Variants in RMDN3 observed in about 807,000 individuals in gnomAD.
The protein encoded by RMDN3 is regulator of microtubule dynamics protein 3.
In RMDN3, 41 loss-of-function variants were observed where a neutral mutation model predicts 61.8. That is an observed-to-expected ratio of 0.66 (90% CI 0.52 to 0.86). The LOEUF is 0.86. Ranked by LOEUF, RMDN3 falls within the 40% of genes least tolerant of loss-of-function variation. RMDN3 has a pLI of 0.00. For missense variants in RMDN3, 557 were observed against 585.3 expected (o/e 0.95, Z 0.50); for synonymous variants, 247 against 232.0 (o/e 1.06, Z -0.59).
chr15:40,750,774 C>T (rs1897786877), intron 4 of RMDN3, among the ~76,000 whole-genome samples: 2 of 152,354 alleles, frequency 1.3e-5, no homozygotes, highest in Middle Eastern at 3.4e-3. Flanking sequence ...ACCTGAATAA[C>T]TGGAGCTAGC....
intron 4 of RMDN3, among the ~76,000 whole-genome samples, chr15:40,747,205 C>G (rs1897608401): frequency 6.6e-6 from 1 of 152,204 alleles, no homozygotes; most frequent in Non-Finnish European, 1.5e-5. Flanking sequence ...CTCTCTGCCT[C>G]CAGCACTCCC....
In RMDN3 at chr15:40,754,758, C is replaced by T; in HGVS notation, c.26G>A (p.Gly9Asp). 1.2e-6 allele frequency: 2 copies of T among 1,609,924 alleles called. No homozygotes were observed. The highest frequency in any genetic ancestry group is 1.3e-5 in the African/African-American group (1 of 74,946). The change falls in exon 2 of 13, where the codon GGT (glycine) becomes GAT (aspartate). Residue 9 changes from glycine to aspartate, a missense_variant. Gly to Asp is a moderately conservative substitution (Grantham distance 94). Transcript: ENST00000338376. The part of the protein sequence containing the change: MSRLGALG[G>D]ARAGLGLLLG... The stretch of plus-strand genomic sequence containing the variant: ...CAACAGTCCCAGCCCGGCACGGGCA[C>T]CACCCAGGGCTCCCAGTCTAGACAT...
intron 5 of RMDN3, 164 bp from the exon 6 acceptor site, chr15:40,744,313 C>T (rs1348769266): frequency 1.6e-6 from 1 of 623,424 alleles, no homozygotes; most frequent in East Asian, 2.9e-5. Flanking sequence ...GTCATCCCTT[C>T]CCACGTGCAG....
At chr15:40,749,948 G>A (rs554135661) in intron 4 of RMDN3, among the ~76,000 whole-genome samples, 13 of 152,134 alleles carry the variant, frequency 8.5e-5, no homozygotes, top group Non-Finnish European at 1.5e-4. Flanking sequence ...TGGAGACCCC[G>A]GAGCACTCAT....
At chr15:40,738,183 T>G in intron 8 of RMDN3, 141 bp from the exon 9 acceptor site, 1 of 831,668 alleles carries the variant, frequency 1.2e-6, no homozygotes, top group East Asian at 2.5e-5. Flanking sequence ...GGTCAGGAGT[T>G]CGAAACCAGT....
chr15:40,742,079 G>T (rs1428467713), intron 6 of RMDN3, among the ~76,000 whole-genome samples: 1 of 151,920 alleles, frequency 6.6e-6, no homozygotes, highest in Non-Finnish European at 1.5e-5. Context: ...GAGTGCAGTG[G>T]TGCAATCTCA....
chr15:40,745,074 T>C lies in RMDN3; in HGVS notation c.710A>G (p.Asp237Gly), dbSNP rs1474663983. The C allele has an allele frequency of 6.2e-7, 1 of 1,613,870 alleles. No individual in the cohort carries two copies. The highest frequency in any genetic ancestry group is 2.2e-5 in the East Asian group (1 of 44,856). Residue 237 changes from aspartate to glycine, a missense_variant, in exon 5 of 13, where the codon GAT (aspartate) becomes GGT (glycine). Coordinates refer to ENST00000338376, the MANE Select transcript of RMDN3 (RefSeq NM_018145.3). Reference sequence around the variant, plus strand: ...GGCCTGCTGCAGGAGGGGCAGCACATCCTCCAAGCCTGAGGAACCTCCAGC... The same window carrying C: ...GGCCTGCTGCAGGAGGGGCAGCACACCCTCCAAGCCTGAGGAACCTCCAGC... Reference protein sequence around the residue: ...LEAGGSSGLEDVLPLLQQADE... With the variant: ...LEAGGSSGLEGVLPLLQQADE...
At chr15:40,754,496 A>G (rs1897956557) in intron 2 of RMDN3, 101 bp downstream of exon 2, 3 of 1,214,518 alleles carry the variant, frequency 2.5e-6, no homozygotes, top group Non-Finnish European at 3.4e-6. Context: ...ACCCTAAAGC[A>G]CTTCTCTCCG....
At chr15:40,747,432 T>A (rs1320287391) in intron 4 of RMDN3, among the ~76,000 whole-genome samples, 1 of 152,196 alleles carries the variant, frequency 6.6e-6, no homozygotes. Context: ...AGACTTTAAT[T>A]GCATCTCAGC....
At position 40,736,520 on chromosome 15, in the gene RMDN3, ATGAAGGCCAG is replaced by A. The variant is rs1381190048; in HGVS notation, c.*11_*20del. The A allele has an allele frequency of 1.2e-6, 2 of 1,612,482 alleles. No homozygotes were observed. Among genetic ancestry groups the A allele is most frequent in the South Asian group, 2.2e-5 (2 of 91,050 alleles). On this transcript the variant is annotated 3_prime_UTR_variant, in exon 13 of 13. Coordinates refer to ENST00000338376, the MANE Select transcript of RMDN3 (RefSeq NM_018145.3). ...CCACCTTAAATAGTGGCATCAAGTCATGAAGGCCAGTGAAACGTGGTTAGTCTCGTAAAAT... is the reference window on the plus strand; with the variant it reads ...CCACCTTAAATAGTGGCATCAAGTCATGAAACGTGGTTAGTCTCGTAAAAT...
chr15:40,741,908 C>T (rs575971574), intron 6 of RMDN3, among the ~76,000 whole-genome samples: 144 of 151,504 alleles, frequency 9.5e-4, no homozygotes, highest in Non-Finnish European at 1.6e-3. Context: ...ATTACAGGTG[C>T]GAACCACCGT....
chr15:40,752,367 GCC>G (rs1007128016), intron 2 of RMDN3, among the ~76,000 whole-genome samples, 189 bp from the exon 3 acceptor site: 1 of 152,080 alleles, frequency 6.6e-6, no homozygotes, highest in Admixed American at 6.6e-5. Flanking sequence ...CTAAACGAGA[GCC>G]CTCTGCTCCA....
Position 40,744,053 on chromosome 15 carries a change from G to C in RMDN3, c.904C>G (p.Leu302Val). The change falls in exon 6 of 13, where the codon CTA (leucine) becomes GTA (valine). Residue 302 changes from leucine (L) to valine (V), a missense_variant. Physicochemically the swap from Leu to Val is conservative, Grantham distance 32 (BLOSUM62 1). Coordinates refer to ENST00000338376, the MANE Select transcript of RMDN3 (RefSeq NM_018145.3). ...EEVSEKKSYA[L>V]DGKEEAEAAL... Reference sequence around the variant, plus strand: ...GGAAGCTGTCAGCACTTACCATCTAGGGCATATGACTTCTTCTCGCTCACC... The same window carrying C: ...GGAAGCTGTCAGCACTTACCATCTACGGCATATGACTTCTTCTCGCTCACC... The C allele has an allele frequency of 6.2e-7, 1 of 1,612,342 alleles. No homozygotes were observed. Among genetic ancestry groups the C allele is most frequent in the East Asian group, 2.2e-5 (1 of 44,834 alleles).
rs534428787 is a variant in RMDN3 at position 40,738,539 on chromosome 15, T to C, written c.1009A>G (p.Ser337Gly). The stretch of plus-strand genomic sequence containing the variant: ...CCACTCTGGATGCGCCTCTGGATGC[T>C]CTCATGCTCAGCCAGCTGACCACAA... ...VLCGQLAEHE[S>G]IQRRIQSGFS... Residue 337 changes from serine to glycine, a missense_variant, in exon 8 of 13, where the codon AGC becomes GGC. By Grantham distance (56) the Ser-to-Gly change is moderately conservative. Transcript: ENST00000338376. 1.5e-5 allele frequency: 24 copies of C among 1,614,034 alleles called. No individual in the cohort carries two copies. The Admixed American group carries it at 3.8e-4, about 26-fold the overall frequency.
intron 4 of RMDN3, among the ~76,000 whole-genome samples, chr15:40,749,173 G>C (rs561636192): frequency 7.2e-5 from 11 of 152,328 alleles, no homozygotes; most frequent in African/African-American, 2.6e-4. Context: ...AACGTGCTGG[G>C]ATTACAGGCC....
intron 6 of RMDN3, among the ~76,000 whole-genome samples, chr15:40,741,310 A>C (rs1897267656): frequency 6.6e-6 from 1 of 152,132 alleles, no homozygotes; most frequent in African/African-American, 2.4e-5. Context: ...GTTCAAGACC[A>C]ATCTGGGCAA....
At position 40,736,491 on chromosome 15, in the gene RMDN3, C is replaced by G. The variant is rs766888053; in HGVS notation, c.*50G>C. The stretch of plus-strand genomic sequence containing the variant: ...GGTCTAAGGAAAAAAGCCTCCCCGC[C>G]CCCCCACCTTAAATAGTGGCATCAA... On this transcript the variant is annotated 3_prime_UTR_variant, in exon 13 of 13. Coordinates refer to ENST00000338376, the MANE Select transcript of RMDN3 (RefSeq NM_018145.3). 6.4e-6 allele frequency: 10 copies of G among 1,567,302 alleles called. No individual in the cohort carries two copies. The highest frequency in any genetic ancestry group is 1.7e-4 in the Middle Eastern group (1 of 5,956).
Position 40,737,303 on chromosome 15 carries a change from C to T in RMDN3, c.1263G>A (p.Arg421=). 1 of 1,613,940 alleles carries T rather than the reference C, an allele frequency of 6.2e-7. No individual in the cohort carries two copies. The highest frequency in any genetic ancestry group is 2.2e-5 in the East Asian group (1 of 44,874). ...ATGAGTTTACCTTGGAAATATATAC[C>T]CTTCCTGCTTTGGAAAATCCTGGCT... is the stretch of plus-strand genomic sequence containing the variant. ...ELQPGFSKAG[R]VYISKCYREL... Residue 421 remains arginine, a synonymous_variant, in exon 11 of 13, where the codon AGG becomes AGA. Coordinates refer to ENST00000338376, the MANE Select transcript of RMDN3 (RefSeq NM_018145.3).
In RMDN3 at chr15:40,738,489, G is replaced by A. The variant is rs1041413230; in HGVS notation, c.1047+12C>T. 2 of 1,613,782 alleles carry A rather than the reference G, an allele frequency of 1.2e-6. No homozygotes were observed. The highest frequency in any genetic ancestry group is 1.7e-6 in the Non-Finnish European group (2 of 1,179,730). Reference sequence around the variant, plus strand: ...AGGCCAGCACAAGGAAGGAGGAAAAGCCTGTCCTCACCTTGAAGCTAAAGC... The same window carrying A: ...AGGCCAGCACAAGGAAGGAGGAAAAACCTGTCCTCACCTTGAAGCTAAAGC... On this transcript the variant is annotated intron_variant, in intron 8 of 12. Coordinates refer to ENST00000338376, the MANE Select transcript of RMDN3 (RefSeq NM_018145.3).
Sources: gnomAD v4.1 joint callset for allele counts (sites outside exome capture counted in the v4.1 genomes callset) on GRCh38, gnomAD v4.1.1 for gene constraint, MANE v1.5 for transcripts, NCBI Gene and HGNC (gene_info 2026-07-23, HGNC 2026-07-21) for gene names.